The following COBL variants were observed in gnomAD, a reference collection of about 807,000 sequenced individuals.
COBL encodes cordon-bleu WH2 repeat protein, also known as protein cordon-bleu.
A neutral mutation model predicts 98.8 loss-of-function variants in COBL; 51 were observed. That is an observed-to-expected ratio of 0.52 (90% confidence interval 0.41 to 0.65). COBL has a LOEUF of 0.65. Ranked by LOEUF, COBL falls within the 30% of genes least tolerant of loss-of-function variation. The probability of loss-of-function intolerance (pLI) is 0.00; values close to 1 mark genes in which losing one functional copy is unlikely to be tolerated. For synonymous variants in COBL, 634 were observed against 651.7 expected, an observed-to-expected ratio of 0.97 and a Z score of 0.41; for missense variants, 1,617 against 1,617.5, an observed-to-expected ratio of 1.00 and a Z score of 0.01.
chr7:51,193,672 A>G (rs1790333532), intron 2 of COBL, 83 bp from the exon 3 acceptor site: 1 of 1,254,688 alleles, frequency 8.0e-7, no homozygotes, highest in Admixed American at 2.0e-5. Context: ...AGAACAAATG[A>G]ACAAGTGGAT....
At chr7:51,130,331 A>C (rs1187481488) in intron 6 of COBL, among the ~76,000 whole-genome samples, 1 of 152,158 alleles carries the variant, frequency 6.6e-6, no homozygotes, top group Non-Finnish European at 1.5e-5. Flanking sequence ...AGAGCCCTCT[A>C]ATTAGTGTGA....
At chr7:51,123,917 T>C (rs894061325) in intron 6 of COBL, among the ~76,000 whole-genome samples, 1 of 152,230 alleles carries the variant, frequency 6.6e-6, no homozygotes, top group Middle Eastern at 3.4e-3. Context: ...CTCTCTTGGA[T>C]TGAATCAGCA....
At chr7:51,139,126 A>G (rs1016581437) in intron 5 of COBL, among the ~76,000 whole-genome samples, 3 of 152,124 alleles carry the variant, frequency 2.0e-5, no homozygotes, top group Non-Finnish European at 4.4e-5. Context: ...TGCATTATCT[A>G]TTTTTTAAGG....
chr7:51,175,693 C>T (rs1019528953), intron 5 of COBL, among the ~76,000 whole-genome samples: 6 of 152,222 alleles, frequency 3.9e-5, no homozygotes, highest in African/African-American at 1.4e-4. Flanking sequence ...ATATTCCTCT[C>T]CTAAGTACTG....
At chr7:51,259,393 G>A in intron 1 of COBL, 1 of 417,806 alleles carries the variant, frequency 2.4e-6, no homozygotes, top group Non-Finnish European at 4.4e-6. Flanking sequence ...TCAAAAGTCA[G>A]CCCAAGGGCA....
intron 1 of COBL, among the ~76,000 whole-genome samples, chr7:51,298,957 C>T (rs2129199534): frequency 6.6e-6 from 1 of 152,368 alleles, no homozygotes; most frequent in South Asian, 2.1e-4. Context: ...ATACTCTCCA[C>T]TCAGACTCTC....
chr7:51,174,656 C>T (rs1350388582), intron 5 of COBL, among the ~76,000 whole-genome samples: 2 of 152,146 alleles, frequency 1.3e-5, no homozygotes, highest in East Asian at 3.9e-4. Flanking sequence ...ATAACTCCTA[C>T]CCTATAGCCC....
chr7:51,070,201 A>G (rs1792382440), intron 7 of COBL, among the ~76,000 whole-genome samples: 1 of 152,196 alleles, frequency 6.6e-6, no homozygotes, highest in Admixed American at 6.5e-5. Context: ...GGTGACAAAT[A>G]AAGCAAAGAA....
intron 1 of COBL, among the ~76,000 whole-genome samples, chr7:51,276,435 C>A (rs1232932419): frequency 6.6e-6 from 1 of 152,218 alleles, no homozygotes; most frequent in Non-Finnish European, 1.5e-5. Flanking sequence ...ACGGGCCATA[C>A]CCAGGGACTG....
chr7:51,074,827 G>A (rs1583693824), intron 7 of COBL, among the ~76,000 whole-genome samples: 1 of 152,148 alleles, frequency 6.6e-6, no homozygotes, highest in East Asian at 1.9e-4. Flanking sequence ...GAGGAAAAAG[G>A]TATAAATAGT....
intron 7 of COBL, among the ~76,000 whole-genome samples, chr7:51,084,634 TTCTTTCCTCTGGGCTC>T (rs1393590667): frequency 6.6e-6 from 1 of 152,156 alleles, no homozygotes; most frequent in Non-Finnish European, 1.5e-5. Context: ...TAATTCCATC[TTCTTTCCTCTGGGCTC>T]TCTTTCCCTC....
chr7:51,038,988 A>G (rs1215097363), intron 8 of COBL, among the ~76,000 whole-genome samples: 1 of 135,878 alleles, frequency 7.4e-6, no homozygotes, highest in Non-Finnish European at 1.5e-5. Context: ...AGTTGTGGAA[A>G]CCAGGTATAG....
At chr7:51,032,576 G>A (rs1213848489) in intron 8 of COBL, 1 of 152,174 alleles carries the variant, frequency 6.6e-6, no homozygotes, top group African/African-American at 2.4e-5. Context: ...CTGATTTGGT[G>A]ACTATGTCCA....
At chr7:51,024,114 C>T (rs1241234163) in intron 12 of COBL, among the ~76,000 whole-genome samples, 2 of 151,996 alleles carry the variant, frequency 1.3e-5, no homozygotes, top group African/African-American at 4.8e-5. Flanking sequence ...TCGAGACCAT[C>T]CTGGCTAACA....
chr7:51,218,982 G>A (rs1199264143), intron 2 of COBL, among the ~76,000 whole-genome samples: 1 of 152,116 alleles, frequency 6.6e-6, no homozygotes, highest in Non-Finnish European at 1.5e-5. Flanking sequence ...ATCACTAAAA[G>A]TATCAGTAAG....
chr7:51,280,739 G>A (rs1337772023), intron 1 of COBL, among the ~76,000 whole-genome samples: 4 of 152,160 alleles, frequency 2.6e-5, no homozygotes, highest in African/African-American at 9.7e-5. Flanking sequence ...CTGGTCCTGG[G>A]TGGCTTTAAG....
intron 1 of COBL, among the ~76,000 whole-genome samples, chr7:51,270,308 C>T (rs956823076): frequency 2.6e-5 from 4 of 152,112 alleles, no homozygotes; most frequent in Non-Finnish European, 5.9e-5. Context: ...GTGGTAGTTC[C>T]GTTCAAGAAA....
At chr7:51,280,167 T>C (rs1799687600) in intron 1 of COBL, among the ~76,000 whole-genome samples, 1 of 152,136 alleles carries the variant, frequency 6.6e-6, no homozygotes, top group African/African-American at 2.4e-5. Context: ...AGCACTCAGT[T>C]TAACATTTTT....
intron 2 of COBL, among the ~76,000 whole-genome samples, chr7:51,217,916 C>A (rs899661244): frequency 6.6e-6 from 1 of 152,242 alleles, no homozygotes; most frequent in African/African-American, 2.4e-5. Flanking sequence ...CGAACTGCCG[C>A]AAGAGATAGT....
Sources: allele counts gnomAD v4.1 joint callset (sites outside exome capture counted in the v4.1 genomes callset), GRCh38; gene constraint gnomAD v4.1.1; transcripts MANE v1.5; gene names NCBI Gene and HGNC (gene_info 2026-07-23, HGNC 2026-07-21).